CACNA1G: variants seen among roughly 807,000 people sequenced by gnomAD.
The protein encoded by CACNA1G is voltage-dependent T-type calcium channel subunit alpha-1G.
In CACNA1G, 67 loss-of-function variants were observed where a neutral mutation model predicts 219.4. The ratio of observed to expected loss-of-function variants is 0.31; its 90% CI spans 0.25 to 0.37. The LOEUF is 0.37. CACNA1G is among the 10% of genes least tolerant of loss of function. CACNA1G has a pLI of 1.00. For missense variants in CACNA1G, 2,380 were observed against 3,231.4 expected, an observed-to-expected ratio of 0.74 and a Z score of 6.39; for synonymous variants, 1,296 against 1,345.3, an observed-to-expected ratio of 0.96 and a Z score of 0.80.
At chr17:50,619,625 TG>T in intron 33 of CACNA1G, 57 bp from the exon 34 acceptor site, 1 of 1,543,462 alleles carries the variant, frequency 6.5e-7, no homozygotes. Context: ...TTCCCATCAC[TG>T]CCCTCTGACC....
At chr17:50,625,628 A>C (rs2053580194) in intron 37 of CACNA1G, among the ~76,000 whole-genome samples, 1 of 152,168 alleles carries the variant, frequency 6.6e-6, no homozygotes. Context: ...GATTCTTGCC[A>C]ATCAGGAAGG....
rs551702713 is a variant in CACNA1G, at chr17:50,608,121, G to A, written c.4705+102G>A. 2.5e-5 allele frequency: 27 copies of A among 1,096,496 alleles called. No individual in the cohort carries two copies. The East Asian group carries it at 3.6e-4, about 15-fold the overall frequency. The allele number at this position is 1,096,496 out of a possible 1,614,324, so 67.9% of individuals were successfully genotyped here. A position where few individuals can be genotyped will look rare whatever the true frequency, so the allele number is the denominator to read the frequency against. ...CAGGGGGCTGGGCGCTGGGGCCGGG[G>A]GCAGGGAGAAGAGGCTCCCACCCCC... is the stretch of plus-strand genomic sequence containing the variant. On this transcript the variant is annotated intron_variant, in intron 25 of 37. Transcript: ENST00000359106.
At position 50,619,667 on chromosome 17, in the gene CACNA1G, C is replaced by T. The variant is rs766582047; in HGVS notation, c.5782-16C>T. ...TCCCCTGCCTCTCCGGCTCCCCTTA[C>T]GGGCTGGCTCCCCAGGACAGGCAGC... is the stretch of plus-strand genomic sequence containing the variant. On this transcript the variant is annotated splice_polypyrimidine_tract_variant and intron_variant, in intron 33 of 37. Coordinates refer to ENST00000359106, the MANE Select transcript of CACNA1G (RefSeq NM_018896.5). 1.7e-5 allele frequency: 27 copies of T among 1,605,164 alleles called. No homozygotes were observed. The highest frequency in any genetic ancestry group is 1.0e-4 in the South Asian group (9 of 89,632).
At chr17:50,615,545 C>T (rs754805905) in intron 27 of CACNA1G, 33 bp downstream of exon 27, 5 of 1,602,968 alleles carry the variant, frequency 3.1e-6, no homozygotes, top group African/African-American at 2.7e-5. Flanking sequence ...TCTGGCCCCC[C>T]CACCTCCAGC....
chr17:50,585,153 AT>A (rs2042755945), intron 9 of CACNA1G, among the ~76,000 whole-genome samples: 1 of 152,172 alleles, frequency 6.6e-6, no homozygotes, highest in South Asian at 2.1e-4. Flanking sequence ...TTTATTATTT[AT>A]TTATTTTAAG....
At chr17:50,613,847 C>T (rs934527494) in intron 26 of CACNA1G, among the ~76,000 whole-genome samples, 1 of 151,562 alleles carries the variant, frequency 6.6e-6, no homozygotes, top group South Asian at 2.1e-4. Flanking sequence ...CCTCCACCAT[C>T]GCGGTGTGGA....
In CACNA1G at chr17:50,561,121, GA is replaced by G; in HGVS notation, c.-337del. The G allele has an allele frequency of 2.2e-6, 1 of 464,844 alleles. No homozygotes were observed. The highest frequency in any genetic ancestry group is 2.6e-5 in the Admixed American group (1 of 37,782). The allele number at this position is 464,844 out of a possible 1,614,324, so 28.8% of individuals were successfully genotyped here. On this transcript the variant is annotated 5_prime_UTR_variant, in exon 1 of 38. Transcript: ENST00000359106. ...TTCGCCCTCTCGGGGCGGCTTCGCC[GA>G]AGGTAGCGCCGAATCCGGCAACCGG...
chr17:50,612,844 G>A (rs2049531161), intron 26 of CACNA1G, among the ~76,000 whole-genome samples: 1 of 152,226 alleles, frequency 6.6e-6, no homozygotes, highest in Non-Finnish European at 1.5e-5. Context: ...GGGAGGCAGG[G>A]AGGTGGTGCC....
intron 22 of CACNA1G, among the ~76,000 whole-genome samples, chr17:50,605,492 AGAACG>A (rs1299829921): frequency 6.6e-6 from 1 of 152,220 alleles, no homozygotes; most frequent in Non-Finnish European, 1.5e-5. Context: ...CAGAATCACC[AGAACG>A]GCTTGTTAAA....
chr17:50,608,869 G>A (rs2048538268), intron 25 of CACNA1G, among the ~76,000 whole-genome samples: 1 of 152,092 alleles, frequency 6.6e-6, no homozygotes, highest in African/African-American at 2.4e-5. Context: ...CGGGCTCCAG[G>A]GCTCCCATCT....
chr17:50,625,814 G>A (rs1490268890), intron 37 of CACNA1G, among the ~76,000 whole-genome samples: 1 of 152,156 alleles, frequency 6.6e-6, no homozygotes. Context: ...AGGGTTTAGT[G>A]GGGAGAGAGG....
At chr17:50,619,922 A>C in intron 34 of CACNA1G, 96 bp downstream of exon 34, 1 of 1,264,206 alleles carries the variant, frequency 7.9e-7, no homozygotes, top group African/African-American at 1.5e-5. Flanking sequence ...GTTCCTGCCC[A>C]CTGGGTATCT....
At chr17:50,610,059 G>A in intron 26 of CACNA1G, 124 bp downstream of exon 26, 1 of 906,154 alleles carries the variant, frequency 1.1e-6, no homozygotes, top group Non-Finnish European at 1.7e-6. Context: ...CAAGAGGGCA[G>A]GGGCTGAAGC....
At position 50,569,210 on chromosome 17, in the gene CACNA1G, G is replaced by A; in HGVS notation, c.400G>A (p.Val134Met). The A allele has an allele frequency of 1.2e-6, 2 of 1,613,892 alleles. No individual in the cohort carries two copies. Among genetic ancestry groups the A allele is most frequent in the Non-Finnish European group, 1.7e-6 (2 of 1,179,856 alleles). Reference protein sequence around the residue: ...IFAFFAVEMVVKMVALGIFGK... With the variant: ...IFAFFAVEMVMKMVALGIFGK... ...TGCCTTCTTTGCCGTGGAGATGGTGGTGAAGATGGTGGCCTTGGGCATCTT... is the reference window on the plus strand; with the variant it reads ...TGCCTTCTTTGCCGTGGAGATGGTGATGAAGATGGTGGCCTTGGGCATCTT... The change falls in exon 3 of 38, where the codon GTG becomes ATG. Residue 134 changes from valine to methionine, a missense_variant. Around this residue, in one of 17 missense-constraint regions of CACNA1G, gnomAD observed 2 missense variants for 24.1 expected, o/e 0.08. Coordinates refer to ENST00000359106, the MANE Select transcript of CACNA1G (RefSeq NM_018896.5).
Position 50,626,417 on chromosome 17 carries a change from G to A in CACNA1G, c.6800G>A (p.Arg2267Lys), listed in dbSNP as rs1238367542. The change falls in exon 38 of 38, where the codon AGA becomes AAA. Residue 2267 changes from arginine (R) to lysine (K), a missense_variant. Coordinates refer to ENST00000359106, the MANE Select transcript of CACNA1G (RefSeq NM_018896.5). This position sits in a 1 kb window ranked among gnomAD's most constrained non-coding sequence, Gnocchi z 4.3. Reference sequence around the variant, plus strand: ...ACGTCCTGGCTGGATGAGCAGAGGAGACACTCTATCGCCGTCAGCTGCCTG... The same window carrying A: ...ACGTCCTGGCTGGATGAGCAGAGGAAACACTCTATCGCCGTCAGCTGCCTG... ...RPTSWLDEQR[R>K]HSIAVSCLDS... is the part of the protein sequence containing the mutation. 1.2e-6 allele frequency: 2 copies of A among 1,610,426 alleles called. No individual in the cohort carries two copies. The highest frequency in any genetic ancestry group is 2.2e-5 in the East Asian group (1 of 44,762).
intron 5 of CACNA1G, 60 bp downstream of exon 5, chr17:50,572,097 C>T (rs574907593): frequency 2.6e-6 from 4 of 1,539,826 alleles, no homozygotes; most frequent in African/African-American, 2.7e-5. Context: ...GGGCACCCCC[C>T]CAAGTTCCTC....
At chr17:50,565,385 G>GGA (rs939776223) in intron 1 of CACNA1G, among the ~76,000 whole-genome samples, 1 of 144,972 alleles carries the variant, frequency 6.9e-6, no homozygotes, top group Non-Finnish European at 1.5e-5. Context: ...TGTGGGGTGG[G>GGA]GCGGGGGGTT....
At chr17:50,610,074 G>A in intron 26 of CACNA1G, 139 bp downstream of exon 26, 2 of 767,506 alleles carry the variant, frequency 2.6e-6, no homozygotes, top group South Asian at 1.6e-5. Flanking sequence ...TGAAGCGCTG[G>A]GCTCTGCAGC....
rs757906148 is a variant in CACNA1G, at chr17:50,626,387, G to A, written c.6770G>A (p.Arg2257Gln). ...YSVEAQSCQR[R>Q]PTSWLDEQRR... ...GTGGAGGCCCAGAGCTGCCAGCGCC[G>A]GCCTACGTCCTGGCTGGATGAGCAG... Residue 2257 changes from arginine (R) to glutamine (Q), a missense_variant, in exon 38 of 38, where the codon CGG becomes CAG. By Grantham distance (43) the Arg-to-Gln change is conservative. This residue lies in a region of CACNA1G where 672 missense variants were observed against 670.5 expected (regional missense o/e 1.00). Transcript: ENST00000359106. This position sits in a 1 kb window ranked among gnomAD's most constrained non-coding sequence, Gnocchi z 4.3. 2.5e-6 allele frequency: 4 copies of A among 1,611,780 alleles called. No individual in the cohort carries two copies. Among genetic ancestry groups the A allele is most frequent in the Non-Finnish European group, 2.5e-6 (3 of 1,179,224 alleles).
Sources: allele counts gnomAD v4.1 joint callset (sites outside exome capture counted in the v4.1 genomes callset), GRCh38; gene constraint gnomAD v4.1.1; regional missense constraint gnomAD v4.1.1; non-coding constraint Gnocchi (gnomAD v3.1); transcripts MANE v1.5; gene names NCBI Gene and HGNC (gene_info 2026-07-23, HGNC 2026-07-21).